ADAMTS20: variants seen among roughly 807,000 people sequenced by gnomAD.
ADAMTS20 encodes ADAM metallopeptidase with thrombospondin type 1 motif 20, also known as A disintegrin and metalloproteinase with thrombospondin motifs 20.
A neutral mutation model predicts 260.1 loss-of-function variants in ADAMTS20; 225 were observed. That is an observed-to-expected ratio of 0.87 (90% CI 0.78 to 0.97). ADAMTS20 has a LOEUF of 0.97. ADAMTS20 is among the 50% of genes least tolerant of loss of function. The pLI is 0.00. For missense variants in ADAMTS20, 2,400 were observed against 2,337.7 expected, an observed-to-expected ratio of 1.03 and a Z score of -0.55; for synonymous variants, 802 against 769.5, an observed-to-expected ratio of 1.04 and a Z score of -0.70.
Position 43,399,178 on chromosome 12 carries a change from TGGTCA to T in ADAMTS20, c.4335_4339del (p.Asp1446IlefsTer23). On this transcript the variant is annotated frameshift_variant, in exon 29 of 39. Transcript: ENST00000389420. LOFTEE classifies it high-confidence loss of function. Reference sequence around the variant, plus strand: ...TGTGTCTTCTAATTTCCTTTGGAATTGGTCAATGCAAAACACTTCACGGTACTTTC... The same window carrying T: ...TGTGTCTTCTAATTTCCTTTGGAATTATGCAAAACACTTCACGGTACTTTC... The T allele has an allele frequency of 6.3e-7, 1 of 1,580,618 alleles. No individual in the cohort carries two copies. Among genetic ancestry groups the T allele is most frequent in the Admixed American group, 1.8e-5 (1 of 54,980 alleles).
At chr12:43,420,800 C>CTTTTTTTTTTTTT (rs747496684) in intron 28 of ADAMTS20, among the ~76,000 whole-genome samples, 1,285 of 55,492 alleles carry the variant, frequency 0.023, 265 homozygotes, top group East Asian at 0.06. Context: ...CCTCCTCCTT[C>CTTTTTTTTTTTTT]TTTTTTTTTT....
At chr12:43,470,128 T>A (rs1942227221) in intron 7 of ADAMTS20, among the ~76,000 whole-genome samples, 1 of 152,232 alleles carries the variant, frequency 6.6e-6, no homozygotes, top group South Asian at 2.1e-4. Context: ...GATTCTACAA[T>A]TCATGCTTGC....
chr12:43,361,364 C>T (rs1474683347), intron 37 of ADAMTS20, among the ~76,000 whole-genome samples: 2 of 152,194 alleles, frequency 1.3e-5, no homozygotes, highest in Non-Finnish European at 2.9e-5. Context: ...ACAGTAGCCT[C>T]AAGGAGACAA....
At position 43,502,132 on chromosome 12, in the gene ADAMTS20, G is replaced by T; in HGVS notation, c.867+20C>A. The T allele has an allele frequency of 6.6e-7, 1 of 1,516,690 alleles. No homozygotes were observed. The highest frequency in any genetic ancestry group is 1.4e-5 in the African/African-American group (1 of 70,010). The allele number at this position is 1,516,690 out of a possible 1,614,324, so 94.0% of individuals were successfully genotyped here. On this transcript the variant is annotated intron_variant, in intron 4 of 38. Coordinates refer to ENST00000389420, the MANE Select transcript of ADAMTS20 (RefSeq NM_025003.5). The stretch of plus-strand genomic sequence containing the variant: ...GCTAAACATTTTAGGAAATATAAAA[G>T]TCATATTAAGTTTACTTACAATTGA...
chr12:43,438,740 C>A (rs1388209493), intron 18 of ADAMTS20, among the ~76,000 whole-genome samples: 1 of 152,058 alleles, frequency 6.6e-6, no homozygotes, highest in Non-Finnish European at 1.5e-5. Flanking sequence ...TTGCCCTGAC[C>A]CACTCCTGCC....
chr12:43,384,655 T>G (rs1320573717), intron 29 of ADAMTS20, among the ~76,000 whole-genome samples: 2 of 152,158 alleles, frequency 1.3e-5, no homozygotes, highest in Non-Finnish European at 2.9e-5. Context: ...CCTCCATGTG[T>G]CCATGTGTTC....
rs186049018 is a variant in ADAMTS20 at position 43,407,512 on chromosome 12, C to T, written c.4285-8279G>A. Among the ~76,000 whole-genome samples the T allele has an allele frequency of 2.4e-3, 357 of 151,650 alleles. 1 individual carries two copies. Among genetic ancestry groups the T allele is most frequent in the African/African-American group, 8.2e-3 (340 of 41,466 alleles). ...ATTATTAATATTTTCTATATTATAA[C>T]TTTGGAAAAGTTTTGTGATTATTTT... On this transcript the variant is annotated intron_variant, in intron 28 of 38. Coordinates refer to ENST00000389420, the MANE Select transcript of ADAMTS20 (RefSeq NM_025003.5).
At chr12:43,550,786 T>C in intron 2 of ADAMTS20, 123 bp downstream of exon 2, 1 of 1,383,088 alleles carries the variant, frequency 7.2e-7, no homozygotes. Context: ...TGTTAATCCT[T>C]CTTGTAGCCC....
At chr12:43,414,440 C>T (rs1400636569) in intron 28 of ADAMTS20, among the ~76,000 whole-genome samples, 2 of 152,038 alleles carry the variant, frequency 1.3e-5, no homozygotes, top group African/African-American at 4.8e-5. Context: ...GGTGATACAT[C>T]CTTCAATACA....
At chr12:43,396,037 C>T (rs1034690055) in intron 29 of ADAMTS20, among the ~76,000 whole-genome samples, 3 of 151,934 alleles carry the variant, frequency 2.0e-5, no homozygotes, top group African/African-American at 4.8e-5. Flanking sequence ...AAAATCCCCT[C>T]GCTTCCAGGA....
At position 43,434,105 on chromosome 12, in the gene ADAMTS20, T is replaced by C; in HGVS notation, c.2720+140A>G. Reference sequence around the variant, plus strand: ...TTATGTACTGAGTTTTACCATAAAATAGTGAGCCTGAAATTTTTTCATGGC... The same window carrying C: ...TTATGTACTGAGTTTTACCATAAAACAGTGAGCCTGAAATTTTTTCATGGC... On this transcript the variant is annotated intron_variant, in intron 19 of 38. Coordinates refer to ENST00000389420, the MANE Select transcript of ADAMTS20 (RefSeq NM_025003.5). 5.6e-6 allele frequency: 5 copies of C among 896,288 alleles called. 1 individual carries two copies. The highest frequency in any genetic ancestry group is 3.7e-5 in the South Asian group (2 of 53,802). The allele number at this position is 896,288 out of a possible 1,614,324, so 55.5% of individuals were successfully genotyped here.
rs535161947 is a variant in ADAMTS20 at position 43,429,668 on chromosome 12, T to A, written c.3438A>T (p.Pro1146=). 2.2e-5 allele frequency: 35 copies of A among 1,600,836 alleles called. No homozygotes were observed. In the African/African-American group the frequency reaches 2.3e-4, roughly 10 times the overall value. ...GTGCCATCTTTTTTATGAGAACAGT[T>A]GGTAATAAAGCGGTCTCAAGTTTAG... is the stretch of plus-strand genomic sequence containing the variant. The part of the protein sequence containing the change: ...FISKLETALL[P]TVLIKKMAQW... Residue 1146 remains proline (P), a synonymous_variant, in exon 24 of 39, where the codon CCA becomes CCT. Transcript: ENST00000389420.
rs79075751 is a variant in ADAMTS20, at chr12:43,501,055, C to CTTTTTTTTTT, written c.867+1087_867+1096dup. ...TCTATAAATAGGTGGCTATGTAATT[C>CTTTTTTTTTT]TTTTTTTTTTTTTTTTTTTTGAGTC... On this transcript the variant is annotated intron_variant, in intron 4 of 38. Transcript: ENST00000389420. Among the ~76,000 whole-genome samples, 66 of 104,854 alleles carry CTTTTTTTTTT rather than the reference C, an allele frequency of 6.3e-4. 4 individuals carry two copies. The highest frequency in any genetic ancestry group is 1.9e-3 in the South Asian group (5 of 2,672). 68.8% of individuals were successfully genotyped at this position (104,854 alleles called of 152,430 possible). A position where few individuals can be genotyped will look rare whatever the true frequency, so the allele number is the denominator to read the frequency against.
intron 3 of ADAMTS20, among the ~76,000 whole-genome samples, chr12:43,521,407 C>T (rs1177984109): frequency 6.6e-6 from 1 of 151,744 alleles, no homozygotes; most frequent in Non-Finnish European, 1.5e-5. Flanking sequence ...AAATATTTTC[C>T]AAATAGATTA....
At chr12:43,400,662 C>T (rs918074280) in intron 28 of ADAMTS20, among the ~76,000 whole-genome samples, 4 of 151,660 alleles carry the variant, frequency 2.6e-5, no homozygotes, top group Admixed American at 6.6e-5. Context: ...CTTACCCTGC[C>T]TCTTTCTTTT....
intron 28 of ADAMTS20, among the ~76,000 whole-genome samples, chr12:43,405,453 AT>A (rs1431309611): frequency 8.6e-5 from 12 of 138,966 alleles, no homozygotes; most frequent in African/African-American, 2.9e-4. Flanking sequence ...AATAATAATA[AT>A]AATAATAAAT....
chr12:43,481,424 A>T (rs1942440383), intron 7 of ADAMTS20, among the ~76,000 whole-genome samples: 1 of 152,242 alleles, frequency 6.6e-6, no homozygotes, highest in East Asian at 1.9e-4. Flanking sequence ...GTGCAACCTT[A>T]AAGTATTCCT....
intron 11 of ADAMTS20, among the ~76,000 whole-genome samples, chr12:43,460,988 ATTTTT>A (rs1161740021): frequency 7.6e-5 from 2 of 26,392 alleles, no homozygotes; most frequent in African/African-American, 2.6e-4. Context: ...ATATATATAT[ATTTTT>A]TTTTTTTTTT....
At chr12:43,436,650 C>G (rs908241798) in intron 18 of ADAMTS20, among the ~76,000 whole-genome samples, 1 of 152,032 alleles carries the variant, frequency 6.6e-6, no homozygotes, top group African/African-American at 2.4e-5. Context: ...CAGCATAGCT[C>G]TAGAAAAAGT....
Sources: allele counts gnomAD v4.1 joint callset (sites outside exome capture counted in the v4.1 genomes callset), GRCh38; gene constraint gnomAD v4.1.1; transcripts MANE v1.5; gene names NCBI Gene and HGNC (gene_info 2026-07-23, HGNC 2026-07-21).